PAPOLA: variants seen among roughly 807,000 people sequenced by gnomAD.
PAPOLA encodes poly(A) polymerase alpha.
Under a neutral mutation model 100.6 loss-of-function variants are expected in PAPOLA, and 15 were observed. The ratio of observed to expected loss-of-function variants is 0.15; its 90% confidence interval spans 0.10 to 0.23. The LOEUF is 0.23. PAPOLA is among the 10% of genes least tolerant of loss of function. PAPOLA has a pLI of 1.00. For synonymous variants in PAPOLA, 293 were observed against 300.0 expected (o/e 0.98, Z 0.24); for missense variants, 533 against 884.2 (o/e 0.60, Z 5.04).
At chr14:96,547,724 GT>G in intron 15 of PAPOLA, 72 bp from the exon 16 acceptor site, 1 of 1,174,424 alleles carries the variant, frequency 8.5e-7, no homozygotes, top group African/African-American at 1.6e-5. Context: ...ACTTAGAATA[GT>G]TTCTCTGGAG....
intron 15 of PAPOLA, among the ~76,000 whole-genome samples, chr14:96,544,886 T>C (rs1900264479): frequency 6.6e-6 from 1 of 152,034 alleles, no homozygotes; most frequent in Non-Finnish European, 1.5e-5. Context: ...AATAGGCTGA[T>C]TATATGTAGA....
chr14:96,519,933 G>T (rs1595509831), intron 1 of PAPOLA, 122 bp from the exon 2 acceptor site: 3 of 738,524 alleles, frequency 4.1e-6, no homozygotes, highest in South Asian at 5.0e-5. Flanking sequence ...AATTTTGGGG[G>T]TATTGCAGGG....
Position 96,542,331 on chromosome 14 carries a change from A to G in PAPOLA, c.1169+35A>G. The G allele has an allele frequency of 3.7e-6, 5 of 1,350,420 alleles. No homozygotes were observed. In the Admixed American group the frequency reaches 5.3e-5, roughly 14 times the overall value. 83.7% of individuals were successfully genotyped at this position (1,350,420 alleles called of 1,614,324 possible). On this transcript the variant is annotated intron_variant, in intron 13 of 21. Coordinates refer to ENST00000216277, the MANE Select transcript of PAPOLA (RefSeq NM_032632.5). ...AGAATAGACTTTACAGAAAAAGCAA[A>G]CTTCAAAATGAATCACATAGCCACT...
chr14:96,506,060 C>A (rs893734819), intron 1 of PAPOLA, among the ~76,000 whole-genome samples: 1 of 152,098 alleles, frequency 6.6e-6, no homozygotes, highest in Admixed American at 6.5e-5. Flanking sequence ...TACGCCACCA[C>A]GCTCAGCTAA....
chr14:96,556,390 C>T lies in PAPOLA; in HGVS notation c.1981C>T (p.Pro661Ser), dbSNP rs968957311. The change falls in exon 19 of 22, where the codon CCC becomes TCC. Residue 661 changes from proline (P) to serine (S), a missense_variant. Pro to Ser is a moderately conservative substitution (Grantham distance 74). This residue lies in a region of PAPOLA where 242 missense variants were observed against 281.0 expected (regional missense o/e 0.86). Transcript: ENST00000216277. ...ATCCTCACCTCATAAAGAAGAGAGT[C>T]CCAAGAAAACCAAAACAGAAGAGGT... ...RTSSPHKEES[P>S]KKTKTEEDET... 5 of 1,609,448 alleles carry T rather than the reference C, an allele frequency of 3.1e-6. No individual in the cohort carries two copies. In the African/African-American group the frequency reaches 6.7e-5, roughly 22 times the overall value.
chr14:96,545,495 A>G (rs1900322836), intron 15 of PAPOLA, among the ~76,000 whole-genome samples: 1 of 152,064 alleles, frequency 6.6e-6, no homozygotes, highest in South Asian at 2.1e-4. Context: ...TCTGATTTTG[A>G]TATGCTTGGT....
In PAPOLA at chr14:96,542,276, A is replaced by G; in HGVS notation, c.1149A>G (p.Thr383=). ...TTGTACTTCTAGCAAGTGCACCAAC[A>G]GAAAAACAACGCCTGGAATGGTGAG... ...HYIVLLASAP[T]EKQRLEWVGL... Residue 383 remains threonine, a synonymous_variant, in exon 13 of 22, where the codon ACA becomes ACG. Coordinates refer to ENST00000216277, the MANE Select transcript of PAPOLA (RefSeq NM_032632.5). 8.7e-6 allele frequency: 14 copies of G among 1,602,196 alleles called. No homozygotes were observed. The highest frequency in any genetic ancestry group is 2.2e-5 in the East Asian group (1 of 44,764).
At chr14:96,546,654 A>G (rs989319624) in intron 15 of PAPOLA, among the ~76,000 whole-genome samples, 1 of 152,062 alleles carries the variant, frequency 6.6e-6, no homozygotes, top group Non-Finnish European at 1.5e-5. Flanking sequence ...TCTGCAGGGA[A>G]CCATTGGTAC....
chr14:96,511,036 G>T (rs554568233), intron 1 of PAPOLA, among the ~76,000 whole-genome samples: 1 of 152,190 alleles, frequency 6.6e-6, no homozygotes, highest in Non-Finnish European at 1.5e-5. Flanking sequence ...GTGATGAATT[G>T]TTACTTTAAA....
chr14:96,535,692 A>G, intron 10 of PAPOLA, 187 bp from the exon 11 acceptor site: 1 of 822,110 alleles, frequency 1.2e-6, no homozygotes, highest in African/African-American at 1.8e-5. Context: ...ATTAGTTTAG[A>G]TGAAATCTTT....
intron 9 of PAPOLA, chr14:96,534,160 A>G (rs1899314379): frequency 9.4e-7 from 1 of 1,062,820 alleles, no homozygotes; most frequent in Non-Finnish European, 1.1e-6. Flanking sequence ...TTTGTCTTTC[A>G]GTGGAGATTT....
At chr14:96,517,199 GCTTTA>G (rs1897537283) in intron 1 of PAPOLA, among the ~76,000 whole-genome samples, 1 of 152,030 alleles carries the variant, frequency 6.6e-6, no homozygotes, top group Non-Finnish European at 1.5e-5. Flanking sequence ...ACTTTTTCTG[GCTTTA>G]CTTGCGTTAA....
At chr14:96,562,270 T>C (rs1332477528) in intron 20 of PAPOLA, among the ~76,000 whole-genome samples, 1 of 152,150 alleles carries the variant, frequency 6.6e-6, no homozygotes, top group Non-Finnish European at 1.5e-5. Flanking sequence ...AGTGATGGCA[T>C]GACATACTTT....
intron 6 of PAPOLA, among the ~76,000 whole-genome samples, chr14:96,531,083 G>A (rs1046961493): frequency 2.0e-5 from 3 of 152,054 alleles, no homozygotes; most frequent in Non-Finnish European, 2.9e-5. Context: ...GCTCACTGCA[G>A]TTCTGCCTCC....
At chr14:96,525,080 A>G (rs915062799) in intron 3 of PAPOLA, among the ~76,000 whole-genome samples, 1 of 152,238 alleles carries the variant, frequency 6.6e-6, no homozygotes, top group African/African-American at 2.4e-5. Context: ...ATAGGGCAAG[A>G]ATCTAACAAT....
intron 16 of PAPOLA, among the ~76,000 whole-genome samples, chr14:96,549,310 A>C (rs553417787): frequency 2.9e-4 from 44 of 149,582 alleles, no homozygotes; most frequent in Admixed American, 1.7e-3. Flanking sequence ...GTGCCGTGGC[A>C]CAATTTCGGC....
Position 96,527,416 on chromosome 14 carries a change from T to G in PAPOLA, c.332-14T>G. 1 of 1,553,940 alleles carries G rather than the reference T, an allele frequency of 6.4e-7. No homozygotes were observed. Among genetic ancestry groups the G allele is most frequent in the Non-Finnish European group, 8.9e-7 (1 of 1,127,018 alleles). The stretch of plus-strand genomic sequence containing the variant: ...TAATATTAATTAGTGGTTGATGGGC[T>G]TAATTTTTTTTAGGTGCTGATATTG... On this transcript the variant is annotated splice_polypyrimidine_tract_variant and intron_variant, in intron 4 of 21. Coordinates refer to ENST00000216277, the MANE Select transcript of PAPOLA (RefSeq NM_032632.5).
Position 96,559,581 on chromosome 14 carries a change from C to CTCTCTCTA in PAPOLA, c.2005-1067_2005-1066insCTCTCTAT, listed in dbSNP as rs370979875. On this transcript the variant is annotated intron_variant, in intron 19 of 21. Transcript: ENST00000216277. ...TCTCTCTCTCTCTCTCTCTCTCTCT[C>CTCTCTCTA]TATATATATATATATACACACACAC... Among the ~76,000 whole-genome samples, 694 of 120,150 alleles carry CTCTCTCTA rather than the reference C, an allele frequency of 5.8e-3. 10 individuals are homozygous for CTCTCTCTA. Among genetic ancestry groups the CTCTCTCTA allele is most frequent in the South Asian group, 0.042 (144 of 3,394 alleles). The allele number at this position is 120,150 out of a possible 152,430, so 78.8% of individuals were successfully genotyped here. A position where few individuals can be genotyped will look rare whatever the true frequency, so the allele number is the denominator to read the frequency against.
chr14:96,545,707 TG>T (rs1900341720), intron 15 of PAPOLA, among the ~76,000 whole-genome samples: 1 of 152,032 alleles, frequency 6.6e-6, no homozygotes, highest in Non-Finnish European at 1.5e-5. Context: ...CTGTCCACAT[TG>T]AAAGATATAT....
Sources: allele counts gnomAD v4.1 joint callset (sites outside exome capture counted in the v4.1 genomes callset), GRCh38; gene constraint gnomAD v4.1.1; regional missense constraint gnomAD v4.1.1; transcripts MANE v1.5; gene names NCBI Gene and HGNC (gene_info 2026-07-23, HGNC 2026-07-21).